NOX4: variants seen among roughly 807,000 people sequenced by gnomAD.
The protein encoded by NOX4 is NADPH oxidase 4.
NOX4 carries 69 observed loss-of-function variants against 87.6 expected under a neutral mutation model. The ratio of observed to expected loss-of-function variants is 0.79; its 90% CI spans 0.65 to 0.96. The LOEUF is 0.96. Ranked by LOEUF, NOX4 falls within the 40% of genes least tolerant of loss-of-function variation. The pLI is 0.00. For missense variants in NOX4, 680 were observed against 681.5 expected (o/e 1.00, Z 0.02); for synonymous variants, 275 against 238.2 (o/e 1.15, Z -1.42).
chr11:89,397,969 G>A (rs10830268), intron 11 of NOX4, among the ~76,000 whole-genome samples: 2 of 151,872 alleles, frequency 1.3e-5, no homozygotes, highest in East Asian at 3.9e-4. Flanking sequence ...CATTTTATGA[G>A]GCCAGCACCA....
At chr11:89,531,092 T>C in the NOX4 span, among the ~76,000 whole-genome samples, 3,135 of 152,308 alleles carry the variant, frequency 0.021, 100 homozygotes, top group African/African-American at 0.067. Context: ...CTTTCTTTAC[T>C]TGCAATCTAA....
chr11:89,491,503 C>T, upstream of NOX4: 1 of 473,096 alleles, frequency 2.1e-6, no homozygotes. Context: ...AGACGCCCAG[C>T]GCTCTGAGCG....
upstream of NOX4, among the ~76,000 whole-genome samples, chr11:89,494,974 G>A (rs141353494): frequency 7.9e-4 from 121 of 152,222 alleles, no homozygotes; most frequent in African/African-American, 2.6e-3. Context: ...ACAGGATCTC[G>A]CTGTGTCACC....
chr11:89,468,813 C>A (rs1181208974), intron 2 of NOX4, among the ~76,000 whole-genome samples: 1 of 152,162 alleles, frequency 6.6e-6, no homozygotes, highest in Non-Finnish European at 1.5e-5. Flanking sequence ...GGTGTAATCA[C>A]AGCTCACTGC....
At chr11:89,473,567 G>C (rs1402641615) in intron 2 of NOX4, among the ~76,000 whole-genome samples, 7 of 151,856 alleles carry the variant, frequency 4.6e-5, no homozygotes, top group Non-Finnish European at 1.0e-4. Flanking sequence ...CTCATATAGT[G>C]AATATAGGAT....
At chr11:89,528,369 C>T in the NOX4 span, among the ~76,000 whole-genome samples, 1 of 152,118 alleles carries the variant, frequency 6.6e-6, no homozygotes, top group African/African-American at 2.4e-5. Flanking sequence ...ACTGGGAAGG[C>T]ATGATTGGTT....
chr11:89,429,067 G>T (rs185238343), intron 7 of NOX4, among the ~76,000 whole-genome samples: 1 of 152,128 alleles, frequency 6.6e-6, no homozygotes, highest in African/African-American at 2.4e-5. Context: ...ACTCAAAACC[G>T]CTCAACTGCA....
chr11:89,384,190 A>C (rs1189528655), intron 11 of NOX4, among the ~76,000 whole-genome samples: 2 of 152,042 alleles, frequency 1.3e-5, no homozygotes, highest in African/African-American at 2.4e-5. Flanking sequence ...CCTATCTGCA[A>C]TACCTCCCTC....
chr11:89,400,697 T>G (rs1325935912), intron 9 of NOX4, among the ~76,000 whole-genome samples: 1 of 151,926 alleles, frequency 6.6e-6, no homozygotes, highest in South Asian at 2.1e-4. Context: ...ATACACAATA[T>G]ATTTAATAAA....
chr11:89,558,442 C>T, the NOX4 span, among the ~76,000 whole-genome samples: 1 of 151,918 alleles, frequency 6.6e-6, no homozygotes. Context: ...TCTGGGCCTT[C>T]GGTAACCAAG....
chr11:89,431,871 A>G (rs974797704), intron 7 of NOX4, among the ~76,000 whole-genome samples: 28 of 152,324 alleles, frequency 1.8e-4, no homozygotes, highest in African/African-American at 5.8e-4. Flanking sequence ...AAAGGATTAT[A>G]AATCATGCTG....
intron 2 of NOX4, among the ~76,000 whole-genome samples, chr11:89,462,045 A>G (rs939380605): frequency 2.0e-5 from 3 of 152,160 alleles, no homozygotes; most frequent in African/African-American, 7.2e-5. Context: ...GGTAAGAAGC[A>G]TGAAAGAAAG....
chr11:89,367,507 C>T (rs1033730383), intron 12 of NOX4, among the ~76,000 whole-genome samples: 4 of 152,064 alleles, frequency 2.6e-5, no homozygotes, highest in East Asian at 1.9e-4. Flanking sequence ...TTTTATGAGG[C>T]TAACAGTGAT....
chr11:89,408,123 T>C (rs1177110513), intron 8 of NOX4, among the ~76,000 whole-genome samples: 1 of 152,204 alleles, frequency 6.6e-6, no homozygotes, highest in Non-Finnish European at 1.5e-5. Flanking sequence ...TTCTCTAACT[T>C]CTGTAGAATC....
At chr11:89,348,062 G>A (rs1219543497) in intron 13 of NOX4, among the ~76,000 whole-genome samples, 1 of 152,112 alleles carries the variant, frequency 6.6e-6, no homozygotes, top group Non-Finnish European at 1.5e-5. Context: ...GATTGCTCGA[G>A]GCTAGGAGTT....
At chr11:89,377,096 A>T (rs1269363608) in intron 11 of NOX4, among the ~76,000 whole-genome samples, 2 of 152,070 alleles carry the variant, frequency 1.3e-5, no homozygotes, top group Admixed American at 1.3e-4. Context: ...AAATAAAAAG[A>T]CAGATATTTG....
intron 15 of NOX4, among the ~76,000 whole-genome samples, chr11:89,339,094 ATGAC>A (rs1252364853): frequency 1.3e-5 from 2 of 152,306 alleles, no homozygotes; most frequent in South Asian, 2.1e-4. Context: ...GAATGATAGA[ATGAC>A]TGACTGAATG....
chr11:89,447,935 A>G (rs1375725483), intron 4 of NOX4, among the ~76,000 whole-genome samples: 1 of 152,110 alleles, frequency 6.6e-6, no homozygotes, highest in Admixed American at 6.6e-5. Flanking sequence ...GAAGTTACCC[A>G]TTTCAACAAT....
At chr11:89,478,237 A>C (rs963467276) in intron 2 of NOX4, among the ~76,000 whole-genome samples, 2 of 152,214 alleles carry the variant, frequency 1.3e-5, no homozygotes, top group African/African-American at 4.8e-5. Context: ...TATTAGGTTA[A>C]ACTAAACACA....
Sources: gnomAD v4.1 joint callset for allele counts (sites outside exome capture counted in the v4.1 genomes callset) on GRCh38, gnomAD v4.1.1 for gene constraint, MANE v1.5 for transcripts, NCBI Gene and HGNC (gene_info 2026-07-23, HGNC 2026-07-21) for gene names.